Variants in RAB3GAP2 observed in about 807,000 individuals in gnomAD.
RAB3GAP2 encodes RAB3 GTPase activating non-catalytic protein subunit 2, also known as rab3 GTPase-activating protein non-catalytic subunit.
Under a neutral mutation model 185.3 loss-of-function variants are expected in RAB3GAP2, and 87 were observed. The ratio of observed to expected loss-of-function variants is 0.47; its 90% CI spans 0.39 to 0.56. The LOEUF is 0.56. Among genes scored for constraint, RAB3GAP2 ranks in the 20% least tolerant of loss-of-function variants. The pLI is 0.00. For synonymous variants in RAB3GAP2, 554 were observed against 576.1 expected (o/e 0.96, Z 0.55); for missense variants, 1,492 against 1,638.2 (o/e 0.91, Z 1.54).
At position 220,193,363 on chromosome 1, in the gene RAB3GAP2, A is replaced by T; in HGVS notation, c.1147T>A (p.Ser383Thr). ...CATATGCTTTCACCATGGCGTCTAG[A>T]ATCTGGAAGTCCAAATCTGATATTT... is the stretch of plus-strand genomic sequence containing the variant. ...PLAVRFGLPD[S>T]RRHGESICLS... Residue 383 changes from serine (S) to threonine (T), a missense_variant, in exon 13 of 35, where the codon TCT becomes ACT. By Grantham distance (58) the Ser-to-Thr change is moderately conservative. This residue lies in a region of RAB3GAP2 where 243 missense variants were observed against 314.8 expected (regional missense o/e 0.77). Coordinates refer to ENST00000358951, the MANE Select transcript of RAB3GAP2 (RefSeq NM_012414.4). 3.1e-6 allele frequency: 5 copies of T among 1,613,908 alleles called. No individual in the cohort carries two copies. The highest frequency in any genetic ancestry group is 4.2e-6 in the Non-Finnish European group (5 of 1,179,922).
intron 9 of RAB3GAP2, among the ~76,000 whole-genome samples, chr1:220,198,751 T>C (rs1014002162): frequency 1.3e-5 from 2 of 152,196 alleles, no homozygotes; most frequent in Non-Finnish European, 2.9e-5. Context: ...TATTATTACC[T>C]TGTCATTTAG....
intron 8 of RAB3GAP2, among the ~76,000 whole-genome samples, chr1:220,203,239 A>G (rs1265120822): frequency 6.6e-6 from 1 of 152,228 alleles, no homozygotes; most frequent in South Asian, 2.1e-4. Flanking sequence ...AGTGAGTAAG[A>G]AAAGGAAAAG....
At chr1:220,236,655 A>C (rs1286900219) in intron 1 of RAB3GAP2, among the ~76,000 whole-genome samples, 1 of 151,948 alleles carries the variant, frequency 6.6e-6, no homozygotes, top group Non-Finnish European at 1.5e-5. Flanking sequence ...TTAGGCAAGC[A>C]GGTCAAGCAC....
chr1:220,194,706 T>A lies in RAB3GAP2; in HGVS notation c.1130+372A>T, dbSNP rs140370677. ...CCGCAATCCACTAGGATGACTTTTT[T>A]AAAAAGAAATCACTAAGTACTTTTA... On this transcript the variant is annotated intron_variant, in intron 12 of 34. Transcript: ENST00000358951. Among the ~76,000 whole-genome samples, 909 of 152,292 alleles carry A rather than the reference T, an allele frequency of 6.0e-3. 4 individuals carry two copies. The highest frequency in any genetic ancestry group is 9.6e-3 in the African/African-American group (398 of 41,572).
Position 220,150,983 on chromosome 1 carries a change from AGT to A in RAB3GAP2, c.*266_*267del. 1 of 412,188 alleles carries A rather than the reference AGT, an allele frequency of 2.4e-6. No homozygotes were observed. Among genetic ancestry groups the A allele is most frequent in the South Asian group, 3.5e-5 (1 of 28,744 alleles). The allele number at this position is 412,188 out of a possible 1,614,324, so 25.5% of individuals were successfully genotyped here. A position where few individuals can be genotyped will look rare whatever the true frequency, so the allele number is the denominator to read the frequency against. Reference sequence around the variant, plus strand: ...CAAAGTTTAACAATAAAGCTACTTAAGTGTTTGAATTAGAAATAAACAGTAAA... The same window carrying A: ...CAAAGTTTAACAATAAAGCTACTTAAGTTTGAATTAGAAATAAACAGTAAA... On this transcript the variant is annotated 3_prime_UTR_variant, in exon 35 of 35. Transcript: ENST00000358951.
At chr1:220,267,186 C>G (rs139745899) in intron 1 of RAB3GAP2, 2 of 1,002,034 alleles carry the variant, frequency 2.0e-6, no homozygotes, top group South Asian at 1.3e-5. Context: ...GACAGTAAGA[C>G]AGGGCACTTG....
chr1:220,241,777 A>G (rs1042970963), intron 1 of RAB3GAP2, among the ~76,000 whole-genome samples: 4 of 152,004 alleles, frequency 2.6e-5, no homozygotes, highest in African/African-American at 9.7e-5. Context: ...TCACTTAGTC[A>G]CTTACCAAAG....
At chr1:220,166,170 C>G (rs1164175466) in intron 26 of RAB3GAP2, among the ~76,000 whole-genome samples, 1 of 152,210 alleles carries the variant, frequency 6.6e-6, no homozygotes, top group Admixed American at 6.5e-5. Context: ...ATTTTTTGGT[C>G]AAGGTTTAAT....
intron 1 of RAB3GAP2, among the ~76,000 whole-genome samples, chr1:220,256,799 T>C (rs1343757926): frequency 3.9e-5 from 6 of 152,136 alleles, no homozygotes; most frequent in Non-Finnish European, 2.9e-5. Context: ...CACACAATAA[T>C]AGTGGGAGAT....
At chr1:220,171,772 A>AG in intron 23 of RAB3GAP2, 117 bp downstream of exon 23, 1 of 1,094,470 alleles carries the variant, frequency 9.1e-7, no homozygotes, top group Non-Finnish European at 1.4e-6. Context: ...AATTAAGGGG[A>AG]GCACCTCTCA....
chr1:220,168,614 C>T (rs1040420437), intron 24 of RAB3GAP2, among the ~76,000 whole-genome samples: 1 of 152,008 alleles, frequency 6.6e-6, no homozygotes, highest in Non-Finnish European at 1.5e-5. Context: ...TCAGGCTGGT[C>T]GCAAACTCTT....
chr1:220,220,540 C>T (rs1004661884), intron 2 of RAB3GAP2: 1 of 152,264 alleles, frequency 6.6e-6, no homozygotes, highest in Non-Finnish European at 1.5e-5. Flanking sequence ...ACAGTGCAGC[C>T]CAACCATGGG....
At chr1:220,166,761 TC>T (rs1230076943) in intron 26 of RAB3GAP2, among the ~76,000 whole-genome samples, 1 of 151,732 alleles carries the variant, frequency 6.6e-6, no homozygotes, top group Non-Finnish European at 1.5e-5. Context: ...ACGATCTGCC[TC>T]TTTGTTCTTC....
chr1:220,239,952 T>G (rs910536762), intron 1 of RAB3GAP2, among the ~76,000 whole-genome samples: 2 of 148,964 alleles, frequency 1.3e-5, no homozygotes, highest in East Asian at 3.9e-4. Flanking sequence ...ATAAAAGCCA[T>G]TGAGTTCCCA....
chr1:220,233,473 G>A (rs1482919910), intron 1 of RAB3GAP2, among the ~76,000 whole-genome samples: 1 of 152,190 alleles, frequency 6.6e-6, no homozygotes, highest in Non-Finnish European at 1.5e-5. Context: ...GGTTTGGACA[G>A]TATGTTCCCT....
At chr1:220,191,480 C>G (rs923496057) in intron 13 of RAB3GAP2, among the ~76,000 whole-genome samples, 196 bp from the exon 14 acceptor site, 16 of 152,018 alleles carry the variant, frequency 1.1e-4, no homozygotes, top group African/African-American at 3.9e-4. Context: ...CTTATCAAAT[C>G]TTACTATTTT....
At chr1:220,193,426 G>A in intron 12 of RAB3GAP2, 47 bp from the exon 13 acceptor site, 2 of 1,578,588 alleles carry the variant, frequency 1.3e-6, no homozygotes. Flanking sequence ...TTCCAGTTCA[G>A]AAACATATAA....
intron 1 of RAB3GAP2, among the ~76,000 whole-genome samples, chr1:220,257,014 C>T (rs182088186): frequency 5.9e-5 from 9 of 152,336 alleles, no homozygotes; most frequent in African/African-American, 1.7e-4. Context: ...CACTCCTCAG[C>T]AAATGCAAAA....
intron 29 of RAB3GAP2, 107 bp downstream of exon 29, chr1:220,159,279 A>T: frequency 1.1e-6 from 1 of 909,806 alleles, no homozygotes; most frequent in Non-Finnish European, 1.8e-6. Flanking sequence ...TCCTTCTGAT[A>T]CGTCATCACA....
Sources: gnomAD v4.1 joint callset for allele counts (sites outside exome capture counted in the v4.1 genomes callset) on GRCh38, gnomAD v4.1.1 for gene constraint, gnomAD v4.1.1 regional missense constraint, MANE v1.5 for transcripts, NCBI Gene and HGNC (gene_info 2026-07-23, HGNC 2026-07-21) for gene names.